PPM1L: variants seen among roughly 807,000 people sequenced by gnomAD.
PPM1L encodes the protein protein phosphatase 1L.
PPM1L carries 13 observed loss-of-function variants against 31.4 expected under a neutral mutation model. The ratio of observed to expected loss-of-function variants is 0.41; its 90% CI spans 0.27 to 0.66. The LOEUF (loss-of-function observed/expected upper bound fraction) is 0.66, where lower values mean the gene tolerates loss of function less well. Among genes scored for constraint, PPM1L ranks in the 30% least tolerant of loss-of-function variants. The pLI, the probability that PPM1L is intolerant of heterozygous loss-of-function variation, is 0.29. For missense variants in PPM1L, 326 were observed against 453.7 expected, an observed-to-expected ratio of 0.72 and a Z score of 2.56; for synonymous variants, 184 against 175.4, an observed-to-expected ratio of 1.05 and a Z score of -0.39.
At chr3:160,836,222 GGAAA>G (rs1315027626) in intron 1 of PPM1L, among the ~76,000 whole-genome samples, 3 of 151,332 alleles carry the variant, frequency 2.0e-5, no homozygotes, top group African/African-American at 7.3e-5. Flanking sequence ...TTCTTTGGAA[GGAAA>G]GGAAGAGAGA....
intron 1 of PPM1L, among the ~76,000 whole-genome samples, chr3:160,788,346 A>G (rs1243982740): frequency 6.6e-6 from 1 of 152,058 alleles, no homozygotes; most frequent in Non-Finnish European, 1.5e-5. Flanking sequence ...GGTTAGCTGT[A>G]TTCCTAGGTA....
chr3:160,922,241 T>C (rs1005247083), intron 1 of PPM1L, among the ~76,000 whole-genome samples: 9 of 149,418 alleles, frequency 6.0e-5, no homozygotes, highest in East Asian at 2.0e-4. Flanking sequence ...ACCTGGGAGG[T>C]GGAGCTTGCA....
intron 1 of PPM1L, among the ~76,000 whole-genome samples, chr3:160,930,146 A>G (rs1301557950): frequency 1.3e-5 from 2 of 152,220 alleles, no homozygotes; most frequent in African/African-American, 4.8e-5. Flanking sequence ...TTAGAACCAC[A>G]AAACAGGTCG....
intron 1 of PPM1L, among the ~76,000 whole-genome samples, chr3:160,780,026 C>T (rs914213297): frequency 6.9e-6 from 1 of 145,458 alleles, no homozygotes; most frequent in Non-Finnish European, 1.5e-5. Context: ...TAAATGCTAG[C>T]TTTTTTTTTT....
chr3:160,844,301 T>C (rs1714003525), intron 1 of PPM1L, among the ~76,000 whole-genome samples: 1 of 152,178 alleles, frequency 6.6e-6, no homozygotes, highest in South Asian at 2.1e-4. Context: ...CTTCAGACTT[T>C]CTGAGACCCG....
intron 1 of PPM1L, among the ~76,000 whole-genome samples, chr3:160,766,973 GCAAGA>G (rs1715118353): frequency 2.0e-5 from 3 of 148,546 alleles, no homozygotes; most frequent in Non-Finnish European, 4.4e-5. Flanking sequence ...ATACCATAGT[GCAAGA>G]TGTACACCGT....
chr3:160,981,210 G>C (rs1214089523), intron 2 of PPM1L, among the ~76,000 whole-genome samples: 6 of 152,180 alleles, frequency 3.9e-5, no homozygotes, highest in African/African-American at 1.4e-4. Context: ...AGCAGCTTAA[G>C]ACAATAAATG....
At chr3:160,852,278 T>G (rs1711549058) in intron 1 of PPM1L, among the ~76,000 whole-genome samples, 1 of 152,188 alleles carries the variant, frequency 6.6e-6, no homozygotes, top group Non-Finnish European at 1.5e-5. Context: ...ATTCAGTTTT[T>G]CTTGTGCTGT....
intron 2 of PPM1L, among the ~76,000 whole-genome samples, chr3:161,021,528 G>A (rs1718234550): frequency 6.6e-6 from 1 of 151,834 alleles, no homozygotes; most frequent in Non-Finnish European, 1.5e-5. Context: ...ATGTCTGTTA[G>A]GTCTAGTGGT....
intron 2 of PPM1L, among the ~76,000 whole-genome samples, chr3:160,979,222 A>T (rs2108032597): frequency 6.6e-6 from 1 of 152,088 alleles, no homozygotes; most frequent in African/African-American, 2.4e-5. Context: ...ATTTGACAGT[A>T]ATTTGTATTC....
intron 1 of PPM1L, among the ~76,000 whole-genome samples, chr3:160,917,100 T>C (rs1254363830): frequency 1.3e-5 from 2 of 152,210 alleles, no homozygotes; most frequent in African/African-American, 4.8e-5. Flanking sequence ...ATGCTACTTA[T>C]ACTATTTACT....
chr3:161,046,475 A>C (rs1310546124), intron 2 of PPM1L, among the ~76,000 whole-genome samples: 2 of 152,140 alleles, frequency 1.3e-5, no homozygotes, highest in Non-Finnish European at 2.9e-5. Context: ...AAAGTCCAGG[A>C]CCAGACGGAT....
At chr3:160,850,500 C>T (rs563032260) in intron 1 of PPM1L, among the ~76,000 whole-genome samples, 1 of 152,230 alleles carries the variant, frequency 6.6e-6, no homozygotes, top group East Asian at 1.9e-4. Flanking sequence ...AACCTCCAGT[C>T]CTGCCCCTCT....
intron 2 of PPM1L, among the ~76,000 whole-genome samples, chr3:160,967,575 A>G (rs1716196278): frequency 1.5e-5 from 1 of 66,468 alleles, no homozygotes; most frequent in Non-Finnish European, 6.2e-5. Flanking sequence ...CTTTGATCTA[A>G]TCAGCATCCC....
At chr3:160,852,873 C>A (rs1420593440) in intron 1 of PPM1L, among the ~76,000 whole-genome samples, 1 of 152,176 alleles carries the variant, frequency 6.6e-6, no homozygotes, top group African/African-American at 2.4e-5. Context: ...AACAGATATT[C>A]TTTAAGATGT....
chr3:160,914,452 A>G (rs1214004602), intron 1 of PPM1L, among the ~76,000 whole-genome samples: 1 of 72,678 alleles, frequency 1.4e-5, no homozygotes, highest in South Asian at 6.1e-4. Flanking sequence ...CCCCCACCCC[A>G]CAACAGGTCC....
At chr3:160,770,271 A>G (rs1285283710) in intron 1 of PPM1L, among the ~76,000 whole-genome samples, 1 of 152,174 alleles carries the variant, frequency 6.6e-6, no homozygotes, top group East Asian at 1.9e-4. Flanking sequence ...TTCATTAACT[A>G]GAACTAACAG....
At chr3:160,873,796 C>T (rs1712403920) in intron 1 of PPM1L, among the ~76,000 whole-genome samples, 1 of 152,136 alleles carries the variant, frequency 6.6e-6, no homozygotes, top group South Asian at 2.1e-4. Context: ...ATTCACCCCC[C>T]TCAGCCTCCC....
At chr3:160,969,759 G>T (rs1194921152) in intron 2 of PPM1L, among the ~76,000 whole-genome samples, 1 of 152,134 alleles carries the variant, frequency 6.6e-6, no homozygotes, top group African/African-American at 2.4e-5. Context: ...AGACCCAAAA[G>T]AAACTAATAA....
Sources: allele counts gnomAD v4.1 joint callset (sites outside exome capture counted in the v4.1 genomes callset), GRCh38; gene constraint gnomAD v4.1.1; transcripts MANE v1.5; gene names NCBI Gene and HGNC (gene_info 2026-07-23, HGNC 2026-07-21).